Variants in CDH12 observed in about 807,000 individuals in gnomAD.
CDH12 encodes cadherin 12.
In CDH12, 41 loss-of-function variants were observed where a neutral mutation model predicts 74.1. That is an observed-to-expected ratio of 0.55 (90% CI 0.43 to 0.72). CDH12 has a LOEUF of 0.72. Ranked by LOEUF, CDH12 falls within the 30% of genes least tolerant of loss-of-function variation. The pLI, the probability that CDH12 is intolerant of heterozygous loss-of-function variation, is 0.00. For missense variants in CDH12, 945 were observed against 977.2 expected (o/e 0.97, Z 0.44); for synonymous variants, 399 against 355.0 (o/e 1.12, Z -1.39).
At chr5:22,479,445 G>C (rs1746298414) in intron 2 of CDH12, among the ~76,000 whole-genome samples, 1 of 152,186 alleles carries the variant, frequency 6.6e-6, no homozygotes, top group African/African-American at 2.4e-5. Flanking sequence ...ACAAGTTTTG[G>C]AGCCTCGATG....
intron 1 of CDH12, among the ~76,000 whole-genome samples, chr5:22,695,089 G>C (rs1431990116): frequency 1.3e-5 from 2 of 152,034 alleles, no homozygotes; most frequent in Admixed American, 1.3e-4. Context: ...AAAATGTGGT[G>C]TTTGGTTTTC....
At chr5:21,814,347 C>A (rs1747926291) in intron 9 of CDH12, among the ~76,000 whole-genome samples, 1 of 152,076 alleles carries the variant, frequency 6.6e-6, no homozygotes, top group African/African-American at 2.4e-5. Context: ...GACTCATTCT[C>A]TGTAGATGTT....
chr5:22,760,678 C>CAAAAAAAAAAAAAAAAAAAAAAAAAAAA (rs11284255), intron 1 of CDH12, among the ~76,000 whole-genome samples: 1 of 63,434 alleles, frequency 1.6e-5, no homozygotes, highest in African/African-American at 6.4e-5. Context: ...GACTCCGTCT[C>CAAAAAAAAAAAAAAAAAAAAAAAAAAAA]AAAAAAAAAA....
chr5:22,413,817 T>G (rs1337589514), intron 2 of CDH12, among the ~76,000 whole-genome samples: 1 of 151,972 alleles, frequency 6.6e-6, no homozygotes, highest in African/African-American at 2.4e-5. Context: ...TTTCTCAGAG[T>G]TTTTAATAAC....
chr5:22,452,847 G>C (rs1206506118), intron 2 of CDH12, among the ~76,000 whole-genome samples: 1 of 39,042 alleles, frequency 2.6e-5, no homozygotes, highest in East Asian at 8.1e-4. Flanking sequence ...TTAACCTAGA[G>C]AATATATATA....
intron 1 of CDH12, among the ~76,000 whole-genome samples, chr5:22,624,971 T>C (rs1379277872): frequency 6.6e-6 from 1 of 152,176 alleles, no homozygotes; most frequent in Non-Finnish European, 1.5e-5. Flanking sequence ...CATGGAATAC[T>C]ATGCAGCCAT....
chr5:22,649,943 C>T (rs1739645350), intron 1 of CDH12, among the ~76,000 whole-genome samples: 1 of 151,864 alleles, frequency 6.6e-6, no homozygotes, highest in Admixed American at 6.6e-5. Flanking sequence ...AAATTATATG[C>T]TTACACATTC....
chr5:22,258,080 T>G (rs1337073193), intron 3 of CDH12, among the ~76,000 whole-genome samples: 1 of 152,180 alleles, frequency 6.6e-6, no homozygotes, highest in East Asian at 1.9e-4. Flanking sequence ...ATAATTACAT[T>G]AGCTGAGGAC....
chr5:21,854,467 G>A (rs566614328), intron 7 of CDH12, among the ~76,000 whole-genome samples: 16 of 151,806 alleles, frequency 1.1e-4, no homozygotes, highest in African/African-American at 3.6e-4. Context: ...AGAAAGATAT[G>A]TTAAAAGGTT....
At chr5:21,960,843 G>A (rs1446037495) in intron 6 of CDH12, among the ~76,000 whole-genome samples, 1 of 151,886 alleles carries the variant, frequency 6.6e-6, no homozygotes, top group Non-Finnish European at 1.5e-5. Flanking sequence ...AATTTAGTAA[G>A]TTTTCACAAA....
intron 3 of CDH12, among the ~76,000 whole-genome samples, chr5:22,326,297 C>G (rs13175028): frequency 4.0e-5 from 6 of 151,452 alleles, no homozygotes; most frequent in African/African-American, 1.5e-4. Context: ...TGCAGTGGCG[C>G]GATCTCGGCT....
intron 2 of CDH12, among the ~76,000 whole-genome samples, chr5:22,432,199 T>G (rs1230629501): frequency 1.3e-5 from 2 of 152,140 alleles, no homozygotes; most frequent in African/African-American, 2.4e-5. Context: ...ATAAATACCA[T>G]GGTGTTATAC....
chr5:22,219,725 G>A (rs1407710099), intron 3 of CDH12, among the ~76,000 whole-genome samples: 1 of 151,558 alleles, frequency 6.6e-6, no homozygotes, highest in African/African-American at 2.4e-5. Flanking sequence ...CACTGCCTAG[G>A]ATTGCAATGA....
intron 1 of CDH12, among the ~76,000 whole-genome samples, chr5:22,824,322 T>A (rs1201837353): frequency 6.6e-6 from 1 of 152,100 alleles, no homozygotes; most frequent in East Asian, 1.9e-4. Context: ...GAAAAATGGA[T>A]GATCCAGATG....
intron 1 of CDH12, among the ~76,000 whole-genome samples, chr5:22,562,757 C>A (rs1739114306): frequency 1.3e-5 from 2 of 150,880 alleles, no homozygotes; most frequent in South Asian, 4.2e-4. Context: ...AAAAACTTGA[C>A]CTTGGAAGAA....
At chr5:21,846,049 T>G (rs1236211681) in intron 7 of CDH12, among the ~76,000 whole-genome samples, 1 of 152,102 alleles carries the variant, frequency 6.6e-6, no homozygotes, top group East Asian at 1.9e-4. Context: ...TGTCACCACA[T>G]GTACAGTAAA....
intron 11 of CDH12, among the ~76,000 whole-genome samples, chr5:21,779,017 T>C (rs959984283): frequency 2.6e-5 from 4 of 152,004 alleles, no homozygotes; most frequent in Admixed American, 2.0e-4. Context: ...TTTTTCAATA[T>C]AGCATTTAGT....
chr5:22,781,601 C>A (rs1207684576), intron 1 of CDH12, among the ~76,000 whole-genome samples: 1 of 152,126 alleles, frequency 6.6e-6, no homozygotes, highest in Admixed American at 6.6e-5. Context: ...TTATTCTCAG[C>A]AGTAATGGGC....
intron 1 of CDH12, among the ~76,000 whole-genome samples, chr5:22,733,881 CTA>C (rs1744556731): frequency 6.6e-6 from 1 of 151,732 alleles, no homozygotes; most frequent in Non-Finnish European, 1.5e-5. Context: ...ATTCTAGTTG[CTA>C]TCCTATAACC....
Sources: gnomAD v4.1 joint callset for allele counts (sites outside exome capture counted in the v4.1 genomes callset) on GRCh38, gnomAD v4.1.1 for gene constraint, MANE v1.5 for transcripts, NCBI Gene and HGNC (gene_info 2026-07-23, HGNC 2026-07-21) for gene names.